Variants in SKAP2 observed in about 807,000 individuals in gnomAD.
The protein encoded by SKAP2 is src kinase-associated phosphoprotein 2.
SKAP2 carries 28 observed loss-of-function variants against 54.9 expected under a neutral mutation model. The observed-to-expected ratio is 0.51, with a 90% CI of 0.38 to 0.70. The LOEUF (loss-of-function observed/expected upper bound fraction) is 0.70. Ranked by LOEUF, SKAP2 falls within the 30% of genes least tolerant of loss-of-function variation. The pLI is 0.00. For missense variants in SKAP2, 356 were observed against 424.1 expected, an observed-to-expected ratio of 0.84 and a Z score of 1.41; for synonymous variants, 137 against 134.3, an observed-to-expected ratio of 1.02 and a Z score of -0.14.
intron 4 of SKAP2, among the ~76,000 whole-genome samples, chr7:26,817,053 T>C (rs952259371): frequency 6.6e-6 from 1 of 152,164 alleles, no homozygotes; most frequent in African/African-American, 2.4e-5. Context: ...GTATGCATAC[T>C]TCAAATAGCT....
chr7:26,789,840 A>T (rs1783638132), intron 4 of SKAP2, among the ~76,000 whole-genome samples: 1 of 152,216 alleles, frequency 6.6e-6, no homozygotes, highest in South Asian at 2.1e-4. Flanking sequence ...CTCATCCTTC[A>T]TTCCTCCTAA....
intron 4 of SKAP2, among the ~76,000 whole-genome samples, chr7:26,828,793 G>A (rs915628204): frequency 6.6e-6 from 1 of 151,912 alleles, no homozygotes; most frequent in African/African-American, 2.4e-5. Flanking sequence ...TTAGGAGGCC[G>A]GGGTGGGCAG....
At chr7:26,847,947 A>G (rs978212409) in intron 3 of SKAP2, 6 of 152,344 alleles carry the variant, frequency 3.9e-5, no homozygotes, top group African/African-American at 1.4e-4. Context: ...CAAAAGTTTA[A>G]TTAACGATAC....
At chr7:26,768,046 T>C (rs1030773672) in intron 4 of SKAP2, among the ~76,000 whole-genome samples, 1 of 151,984 alleles carries the variant, frequency 6.6e-6, no homozygotes, top group African/African-American at 2.4e-5. Context: ...TGATCTAATA[T>C]TGACAGTGGA....
At position 26,703,973 on chromosome 7, in the gene SKAP2, A is replaced by G. The variant is rs955113220; in HGVS notation, c.797-13611T>C. 3.9e-5 allele frequency among the ~76,000 whole-genome samples: 6 copies of G among 152,196 alleles called. No individual in the cohort carries two copies. The South Asian group carries it at 6.2e-4, about 16-fold the overall frequency. On this transcript the variant is annotated intron_variant, in intron 9 of 12. Transcript: ENST00000345317. Reference sequence around the variant, plus strand: ...CCTTTGGGTGTAAAACCTTGCATATATTACTTGCTCCTGTTTGTTAATTAA... The same window carrying G: ...CCTTTGGGTGTAAAACCTTGCATATGTTACTTGCTCCTGTTTGTTAATTAA...
intron 4 of SKAP2, among the ~76,000 whole-genome samples, chr7:26,761,761 A>T (rs1448762937): frequency 6.6e-6 from 1 of 152,192 alleles, no homozygotes; most frequent in Non-Finnish European, 1.5e-5. Flanking sequence ...TTAGCCAGGC[A>T]TGGTGGCACA....
intron 4 of SKAP2, among the ~76,000 whole-genome samples, chr7:26,807,875 CT>C (rs35567458): frequency 6.6e-6 from 1 of 151,950 alleles, no homozygotes; most frequent in Admixed American, 6.6e-5. Flanking sequence ...ATTGTTAGCA[CT>C]TTTTTTAGCA....
intron 4 of SKAP2, among the ~76,000 whole-genome samples, chr7:26,834,986 G>T (rs1784675532): frequency 6.6e-6 from 1 of 152,128 alleles, no homozygotes. Context: ...ACATCAAAAA[G>T]CTTATCCACC....
chr7:26,738,999 C>A, intron 5 of SKAP2, 121 bp from the exon 6 acceptor site: 2 of 675,378 alleles, frequency 3.0e-6, no homozygotes, highest in South Asian at 1.8e-5. Context: ...ATCTTCTTTT[C>A]CAAGAGACAA....
intron 9 of SKAP2, among the ~76,000 whole-genome samples, chr7:26,710,346 G>A (rs943152844): frequency 4.6e-5 from 7 of 152,168 alleles, no homozygotes; most frequent in East Asian, 1.9e-4. Flanking sequence ...AAAATGTCAC[G>A]AAGTTGTAAT....
chr7:26,812,134 G>A (rs947694334), intron 4 of SKAP2, among the ~76,000 whole-genome samples: 1 of 152,088 alleles, frequency 6.6e-6, no homozygotes, highest in Non-Finnish European at 1.5e-5. Flanking sequence ...GATACAAAGG[G>A]GCATATTACT....
In SKAP2 at chr7:26,757,002, C is replaced by A. The variant is rs1460809328; in HGVS notation, c.308-17038G>T. Among the ~76,000 whole-genome samples the A allele has an allele frequency of 2.6e-5, 4 of 152,092 alleles. No individual in the cohort carries two copies. In the East Asian group the frequency reaches 5.8e-4, roughly 22 times the overall value. ...TCTTTTGAGAAGTGTCTGTTCATAC[C>A]CTTCACCCACTTTTTGATGGGGTTG... is the stretch of plus-strand genomic sequence containing the variant. On this transcript the variant is annotated intron_variant, in intron 4 of 12. Coordinates refer to ENST00000345317, the MANE Select transcript of SKAP2 (RefSeq NM_003930.5).
chr7:26,698,516 T>C (rs1166138028), intron 9 of SKAP2, among the ~76,000 whole-genome samples: 2 of 152,214 alleles, frequency 1.3e-5, no homozygotes, highest in Non-Finnish European at 2.9e-5. Context: ...AAGAAGTCAG[T>C]TGCACTAAAG....
chr7:26,719,066 G>C (rs187507060), intron 9 of SKAP2, among the ~76,000 whole-genome samples: 26 of 152,108 alleles, frequency 1.7e-4, no homozygotes, highest in African/African-American at 5.5e-4. Context: ...TGTAGTCCCA[G>C]CTACTTAAGA....
In SKAP2 at chr7:26,669,442, C is replaced by T. The variant is rs1421289795; in HGVS notation, c.*224G>A. The T allele has an allele frequency of 6.6e-6, 1 of 152,022 alleles. No individual in the cohort carries two copies. The highest frequency in any genetic ancestry group is 2.4e-5 in the African/African-American group (1 of 41,370). The allele number at this position is 152,022 out of a possible 1,614,324, so 9.4% of individuals were successfully genotyped here. On this transcript the variant is annotated 3_prime_UTR_variant, in exon 13 of 13. Transcript: ENST00000345317. ...CTATAATTATTTCTTTGCAAAATAG[C>T]AACAGGTATAACTTAACTGGTTGCA...
Position 26,671,370 on chromosome 7 carries a change from T to A in SKAP2, c.988-1178A>T, listed in dbSNP as rs950234234. ...GTGCATATGTATATTGAGTTATATG[T>A]GGGGAGGGAATGTTAATACTAGTAC... On this transcript the variant is annotated intron_variant, in intron 11 of 12. Coordinates refer to ENST00000345317, the MANE Select transcript of SKAP2 (RefSeq NM_003930.5). Among the ~76,000 whole-genome samples, 123 of 152,018 alleles carry A rather than the reference T, an allele frequency of 8.1e-4. 1 individual carries two copies. Among genetic ancestry groups the A allele is most frequent in the African/African-American group, 2.9e-3 (119 of 41,422 alleles).
At chr7:26,838,691 G>C (rs1260963000) in intron 4 of SKAP2, among the ~76,000 whole-genome samples, 2 of 152,214 alleles carry the variant, frequency 1.3e-5, no homozygotes, top group Admixed American at 1.3e-4. Context: ...TTTATGCTGT[G>C]GTTTTTTTGA....
intron 4 of SKAP2, among the ~76,000 whole-genome samples, chr7:26,829,287 C>T (rs1261540735): frequency 6.6e-6 from 1 of 152,142 alleles, no homozygotes; most frequent in African/African-American, 2.4e-5. Context: ...AGGCTCAACA[C>T]TTCAGGAAGC....
At chr7:26,705,261 TTATGCCATAATTATGTA>T (rs1452382720) in intron 9 of SKAP2, among the ~76,000 whole-genome samples, 1 of 152,224 alleles carries the variant, frequency 6.6e-6, no homozygotes, top group African/African-American at 2.4e-5. Context: ...AAAATAAATG[TTATGCCATAATTATGTA>T]TATTAAAATG....
Sources: allele counts gnomAD v4.1 joint callset (sites outside exome capture counted in the v4.1 genomes callset), GRCh38; gene constraint gnomAD v4.1.1; transcripts MANE v1.5; gene names NCBI Gene and HGNC (gene_info 2026-07-23, HGNC 2026-07-21).